Variants in PTGER4 observed in about 807,000 individuals in gnomAD.
PTGER4 encodes prostaglandin E receptor 4, also known as prostaglandin E2 receptor EP4 subtype.
Under a neutral mutation model 33.2 loss-of-function variants are expected in PTGER4, and 11 were observed. The ratio of observed to expected loss-of-function variants is 0.33; its 90% confidence interval spans 0.21 to 0.55. The LOEUF (loss-of-function observed/expected upper bound fraction) is 0.55, where lower values mean the gene tolerates loss of function less well. Among genes scored for constraint, PTGER4 ranks in the 20% least tolerant of loss-of-function variants. PTGER4 has a pLI of 0.92. For missense variants in PTGER4, 481 were observed against 650.2 expected (o/e 0.74, Z 2.83); for synonymous variants, 275 against 281.5 (o/e 0.98, Z 0.23).
chr5:40,709,122 C>G, the PTGER4 span, among the ~76,000 whole-genome samples: 3 of 152,156 alleles, frequency 2.0e-5, no homozygotes, highest in African/African-American at 7.2e-5. Flanking sequence ...AAAACTGGAA[C>G]AAGACAGGGA....
chr5:40,707,032 C>G, the PTGER4 span, among the ~76,000 whole-genome samples: 3 of 152,140 alleles, frequency 2.0e-5, no homozygotes, highest in African/African-American at 7.2e-5. Context: ...GAAGGAAGCA[C>G]TAAACACGGA....
chr5:40,710,429 A>G, the PTGER4 span, among the ~76,000 whole-genome samples: 1 of 152,182 alleles, frequency 6.6e-6, no homozygotes, highest in South Asian at 2.1e-4. Context: ...AGGAAACAAC[A>G]GGTGCTGGAG....
In PTGER4 at chr5:40,680,935, C is replaced by T; in HGVS notation, c.-43-16C>T. On this transcript the variant is annotated splice_polypyrimidine_tract_variant and intron_variant, in intron 1 of 2. Coordinates refer to ENST00000302472, the MANE Select transcript of PTGER4 (RefSeq NM_000958.3). This position sits in a 1 kb window ranked among gnomAD's most constrained non-coding sequence, Gnocchi z 5.5. ...TTCCGCTCACGGCAGCTTTGTCTCT[C>T]TTCTACCATCCCCAGACCCAGCCTT... 1.3e-6 allele frequency: 2 copies of T among 1,546,798 alleles called. No individual in the cohort carries two copies. The highest frequency in any genetic ancestry group is 8.7e-7 in the Non-Finnish European group (1 of 1,147,476).
At chr5:40,687,680 G>A (rs771601942) in intron 2 of PTGER4, among the ~76,000 whole-genome samples, 3 of 152,220 alleles carry the variant, frequency 2.0e-5, no homozygotes, top group Middle Eastern at 3.4e-3. Flanking sequence ...ATTGAAATAC[G>A]CTGCAAAGTA....
chr5:40,688,535 A>C (rs1741387637), intron 2 of PTGER4, among the ~76,000 whole-genome samples: 1 of 152,222 alleles, frequency 6.6e-6, no homozygotes, highest in Admixed American at 6.5e-5. Flanking sequence ...ACAGAAAGCC[A>C]GACTGGTAGA....
chr5:40,681,262 C>A lies in PTGER4; in HGVS notation c.269C>A (p.Pro90Gln), dbSNP rs1741179470. 6.2e-7 allele frequency: 1 copy of A among 1,614,172 alleles called. No homozygotes were observed. ...AAGGGCCAATGGCCCGGGGGCCAGC[C>A]GCTGTGCGAGTACAGCACCTTCATT... The part of the protein sequence containing the change: ...YMKGQWPGGQ[P>Q]LCEYSTFILL... The change falls in exon 2 of 3, where the codon CCG becomes CAG. Residue 90 changes from proline (P) to glutamine (Q), a missense_variant. Pro to Gln is a moderately conservative substitution (Grantham distance 76). Around this residue, in one of 7 missense-constraint regions of PTGER4, gnomAD observed 61 missense variants for 145.2 expected, o/e 0.42. Coordinates refer to ENST00000302472, the MANE Select transcript of PTGER4 (RefSeq NM_000958.3). This position sits in a 1 kb window ranked among gnomAD's most constrained non-coding sequence, Gnocchi z 9.8.
chr5:40,738,281 G>C, the PTGER4 span, among the ~76,000 whole-genome samples: 5 of 151,804 alleles, frequency 3.3e-5, no homozygotes, highest in African/African-American at 9.7e-5. Flanking sequence ...GCATAGAGTG[G>C]TGCGCGCCTG....
the PTGER4 span, chr5:40,730,250 C>A: frequency 1.3e-6 from 2 of 1,587,038 alleles, no homozygotes; most frequent in Non-Finnish European, 1.7e-6. Flanking sequence ...TGAAATTCTT[C>A]ATAATTATTA....
chr5:40,699,718 A>G, the PTGER4 span, among the ~76,000 whole-genome samples: 1 of 152,214 alleles, frequency 6.6e-6, no homozygotes, highest in African/African-American at 2.4e-5. Context: ...GTAACTTACC[A>G]TACAAACAGA....
chr5:40,735,467 C>T, the PTGER4 span, among the ~76,000 whole-genome samples: 1 of 152,060 alleles, frequency 6.6e-6, no homozygotes, highest in Non-Finnish European at 1.5e-5. Flanking sequence ...GAAAGAAATC[C>T]AGGATAATTT....
intron 2 of PTGER4, among the ~76,000 whole-genome samples, chr5:40,684,836 A>G (rs1156328178): frequency 6.6e-6 from 1 of 152,104 alleles, no homozygotes; most frequent in Non-Finnish European, 1.5e-5. Context: ...TTTTTTAAAT[A>G]TAGGAGAATT....
chr5:40,693,784 T>C (rs1741528110), downstream of PTGER4: 1 of 874,862 alleles, frequency 1.1e-6, no homozygotes, highest in South Asian at 5.3e-5. Flanking sequence ...GGCTTTTTTG[T>C]TGTTTCAGGT....
chr5:40,730,476 A>G, the PTGER4 span: 3 of 601,850 alleles, frequency 5.0e-6, no homozygotes, highest in African/African-American at 5.6e-5. Flanking sequence ...AGAGGCATTA[A>G]GTAGCATTAA....
the PTGER4 span, among the ~76,000 whole-genome samples, chr5:40,743,645 C>T: frequency 2.0e-5 from 3 of 151,994 alleles, no homozygotes; most frequent in African/African-American, 7.3e-5. Context: ...TGGTGGCACA[C>T]ACTTGTAATC....
downstream of PTGER4, among the ~76,000 whole-genome samples, chr5:40,694,544 C>T (rs1180630414): frequency 1.3e-5 from 2 of 152,206 alleles, no homozygotes; most frequent in East Asian, 1.9e-4. Context: ...GCCCCCTCTC[C>T]TTGACTTGCA....
the PTGER4 span, among the ~76,000 whole-genome samples, chr5:40,737,859 T>C: frequency 6.6e-6 from 1 of 152,240 alleles, no homozygotes; most frequent in African/African-American, 2.4e-5. Context: ...TCCTGACTTC[T>C]TTCCCTTAGC....
At chr5:40,705,612 C>A in the PTGER4 span, among the ~76,000 whole-genome samples, 1 of 152,226 alleles carries the variant, frequency 6.6e-6, no homozygotes, top group East Asian at 1.9e-4. Flanking sequence ...CTATAAGGAA[C>A]TTAAACAAAT....
the PTGER4 span, among the ~76,000 whole-genome samples, chr5:40,743,602 A>G: frequency 6.6e-6 from 1 of 151,586 alleles, no homozygotes; most frequent in African/African-American, 2.4e-5. Context: ...GCGAAATCCC[A>G]TCTCTACTAA....
At chr5:40,702,353 G>GA in the PTGER4 span, among the ~76,000 whole-genome samples, 2 of 152,046 alleles carry the variant, frequency 1.3e-5, no homozygotes, top group Non-Finnish European at 2.9e-5. Context: ...ATGGAAAACA[G>GA]AAAAAAGCAA....
Sources: allele counts gnomAD v4.1 joint callset (sites outside exome capture counted in the v4.1 genomes callset), GRCh38; gene constraint gnomAD v4.1.1; regional missense constraint gnomAD v4.1.1; non-coding constraint Gnocchi (gnomAD v3.1); transcripts MANE v1.5; gene names NCBI Gene and HGNC (gene_info 2026-07-23, HGNC 2026-07-21).